WARS2: variants seen among roughly 807,000 people sequenced by gnomAD.
WARS2 encodes tryptophan--tRNA ligase, mitochondrial.
A neutral mutation model predicts 36.5 loss-of-function variants in WARS2; 28 were observed. The ratio of observed to expected loss-of-function variants is 0.77; its 90% CI spans 0.57 to 1.05. WARS2 has a LOEUF of 1.05. Ranked by LOEUF, WARS2 falls within the 50% of genes least tolerant of loss-of-function variation. The pLI, the probability that WARS2 is intolerant of heterozygous loss-of-function variation, is 0.00. For synonymous variants in WARS2, 174 were observed against 178.4 expected (o/e 0.98, Z 0.20); for missense variants, 435 against 456.8 (o/e 0.95, Z 0.44).
intron 2 of WARS2, among the ~76,000 whole-genome samples, chr1:119,050,729 G>A (rs537479985): frequency 1.3e-5 from 2 of 151,850 alleles, no homozygotes; most frequent in South Asian, 2.1e-4. Context: ...TACCAACTAC[G>A]AAAAAAATTT....
At chr1:119,090,969 C>T (rs1653003696) in intron 1 of WARS2, among the ~76,000 whole-genome samples, 1 of 152,130 alleles carries the variant, frequency 6.6e-6, no homozygotes, top group South Asian at 2.1e-4. Flanking sequence ...AAAAGAGTCT[C>T]ATACTAACAG....
chr1:119,136,097 A>G (rs1222413576), intron 1 of WARS2, among the ~76,000 whole-genome samples: 1 of 152,096 alleles, frequency 6.6e-6, no homozygotes, highest in East Asian at 1.9e-4. Flanking sequence ...AAATAAATAA[A>G]TAAATTTGTA....
At chr1:119,132,255 G>T (rs1185699193) in intron 1 of WARS2, among the ~76,000 whole-genome samples, 1 of 152,118 alleles carries the variant, frequency 6.6e-6, no homozygotes. Context: ...TCCTCTTAAT[G>T]AAGAGCCAGT....
intron 2 of WARS2, among the ~76,000 whole-genome samples, chr1:119,068,979 T>C (rs1651094989): frequency 6.6e-6 from 1 of 151,928 alleles, no homozygotes. Context: ...AAGAAAATAA[T>C]GAGAAAAATC....
intron 2 of WARS2, among the ~76,000 whole-genome samples, chr1:119,053,389 C>A (rs1649526168): frequency 6.6e-6 from 1 of 152,122 alleles, no homozygotes; most frequent in Admixed American, 6.5e-5. Flanking sequence ...AATCTCTGCT[C>A]TTACAATAAA....
At chr1:119,105,575 G>A (rs587646758) in intron 1 of WARS2, among the ~76,000 whole-genome samples, 8 of 152,186 alleles carry the variant, frequency 5.3e-5, no homozygotes, top group African/African-American at 1.9e-4. Flanking sequence ...GGAGGTAGGA[G>A]TAAAACAGGA....
At chr1:119,041,784 G>A (rs1030788496) in intron 4 of WARS2, among the ~76,000 whole-genome samples, 2 of 152,122 alleles carry the variant, frequency 1.3e-5, no homozygotes, top group Middle Eastern at 3.2e-3. Flanking sequence ...GCATTACTGG[G>A]GAAATATATA....
Position 119,076,495 on chromosome 1 carries a change from G to A in WARS2, c.203C>T (p.Ser68Phe), listed in dbSNP as rs866710232. 1 of 1,614,152 alleles carries A rather than the reference G, an allele frequency of 6.2e-7. No individual in the cohort carries two copies. ...SWVRLQDEYDSVLYSIVDLHS... is the reference protein window; with the variant it reads ...SWVRLQDEYDFVLYSIVDLHS... ...GAGGTCAACAATGCTGTATAATACA[G>A]AGTCATATTCATCCTGTAACCTCAC... Residue 68 changes from serine to phenylalanine, a missense_variant, in exon 2 of 6, where the codon TCT becomes TTT. Transcript: ENST00000235521.
At chr1:119,139,731 T>G (rs1194102660) in intron 1 of WARS2, 1 of 152,192 alleles carries the variant, frequency 6.6e-6, no homozygotes, top group Non-Finnish European at 1.5e-5. Context: ...CTCCTTTCTC[T>G]CTAGTTCCCA....
At chr1:119,093,556 A>G (rs1653199167) in intron 1 of WARS2, among the ~76,000 whole-genome samples, 1 of 151,500 alleles carries the variant, frequency 6.6e-6, no homozygotes, top group Non-Finnish European at 1.5e-5. Flanking sequence ...CAATGGAGGC[A>G]GAGATTGGAG....
At chr1:119,092,422 T>C (rs1386685118) in intron 1 of WARS2, among the ~76,000 whole-genome samples, 2 of 152,238 alleles carry the variant, frequency 1.3e-5, no homozygotes, top group Non-Finnish European at 2.9e-5. Flanking sequence ...TAACATCAAA[T>C]ATTATTTTAG....
chr1:119,075,154 G>GTATATATATATATATATATA (rs774946774), intron 2 of WARS2, among the ~76,000 whole-genome samples: 66 of 151,098 alleles, frequency 4.4e-4, no homozygotes, highest in African/African-American at 1.1e-3. Context: ...AAAAATTAGT[G>GTATATATATATATATATATA]TATATATATA....
At chr1:119,075,580 CATG>C (rs1165682763) in intron 2 of WARS2, among the ~76,000 whole-genome samples, 2 of 152,174 alleles carry the variant, frequency 1.3e-5, no homozygotes, top group Non-Finnish European at 2.9e-5. Flanking sequence ...TGCATATATA[CATG>C]CATGTTAACA....
chr1:119,126,105 C>T (rs1655635178), intron 1 of WARS2, among the ~76,000 whole-genome samples: 1 of 151,954 alleles, frequency 6.6e-6, no homozygotes, highest in African/African-American at 2.4e-5. Context: ...CTCTTCTTCC[C>T]TACCCAGCCT....
intron 1 of WARS2, among the ~76,000 whole-genome samples, chr1:119,083,682 G>A (rs1652384038): frequency 2.0e-5 from 3 of 152,094 alleles, no homozygotes; most frequent in Admixed American, 6.5e-5. Flanking sequence ...TCACCTCAGG[G>A]CAGCTAATCT....
chr1:119,058,305 T>C (rs966641497), intron 2 of WARS2, among the ~76,000 whole-genome samples: 2 of 41,234 alleles, frequency 4.9e-5, no homozygotes, highest in Non-Finnish European at 9.6e-5. Context: ...GATTCCCTAT[T>C]TCTTTTTTTT....
At chr1:119,070,042 G>A (rs1326599085) in intron 2 of WARS2, among the ~76,000 whole-genome samples, 1 of 152,110 alleles carries the variant, frequency 6.6e-6, no homozygotes, top group Admixed American at 6.6e-5. Context: ...CTACAAACTG[G>A]GTGACCTTAG....
At chr1:119,045,549 T>C (rs528559524) in intron 3 of WARS2, 33 bp downstream of exon 3, 13 of 1,544,718 alleles carry the variant, frequency 8.4e-6, no homozygotes, top group Non-Finnish European at 1.1e-5. Context: ...AATAGCTTCT[T>C]GTCTGTTTAT....
At chr1:119,077,584 C>A (rs34851338) in intron 1 of WARS2, among the ~76,000 whole-genome samples, 105 of 151,896 alleles carry the variant, frequency 6.9e-4, no homozygotes, top group Non-Finnish European at 1.2e-3. Flanking sequence ...ATTTTCTATG[C>A]CTTGGTTTCC....
Sources: allele counts gnomAD v4.1 joint callset (sites outside exome capture counted in the v4.1 genomes callset), GRCh38; gene constraint gnomAD v4.1.1; transcripts MANE v1.5; gene names NCBI Gene and HGNC (gene_info 2026-07-23, HGNC 2026-07-21).